Variants in DCC observed in about 807,000 individuals in gnomAD.
The protein encoded by DCC is netrin receptor DCC.
In DCC, 58 loss-of-function variants were observed where a neutral mutation model predicts 172.5. The observed-to-expected ratio is 0.34, with a 90% CI of 0.27 to 0.42. The LOEUF is 0.42. Among genes scored for constraint, DCC ranks in the 10% least tolerant of loss-of-function variants. DCC has a pLI of 1.00. For missense variants in DCC, 1,740 were observed against 1,791.0 expected, an observed-to-expected ratio of 0.97 and a Z score of 0.51; for synonymous variants, 709 against 644.5, an observed-to-expected ratio of 1.10 and a Z score of -1.52.
intron 25 of DCC, among the ~76,000 whole-genome samples, chr18:53,479,403 A>G (rs968344624): frequency 3.3e-5 from 5 of 152,206 alleles, no homozygotes; most frequent in East Asian, 1.9e-4. Context: ...GCTCTGTATA[A>G]AAATGGAATT....
chr18:53,291,349 A>C (rs1568415308), intron 12 of DCC, among the ~76,000 whole-genome samples: 1 of 152,104 alleles, frequency 6.6e-6, no homozygotes, highest in Admixed American at 6.5e-5. Flanking sequence ...CTCAGTGGTT[A>C]TTCTTGATAA....
chr18:53,363,288 T>G (rs2057968049), intron 15 of DCC, among the ~76,000 whole-genome samples: 1 of 152,208 alleles, frequency 6.6e-6, no homozygotes, highest in Non-Finnish European at 1.5e-5. Context: ...TTTTCTCCTG[T>G]CTGTCATTTC....
At chr18:52,667,814 G>A (rs1487328965) in intron 1 of DCC, among the ~76,000 whole-genome samples, 1 of 152,166 alleles carries the variant, frequency 6.6e-6, no homozygotes, top group Non-Finnish European at 1.5e-5. Flanking sequence ...AAGGAGGTTA[G>A]AAGACAAAGG....
At chr18:53,370,698 C>T (rs58785519) in intron 15 of DCC, among the ~76,000 whole-genome samples, 6,903 of 151,832 alleles carry the variant, frequency 0.045, 498 homozygotes, top group African/African-American at 0.15. Context: ...TGATTTATAA[C>T]TTCATCCCAT....
At chr18:52,775,280 C>T (rs2037409417) in intron 2 of DCC, among the ~76,000 whole-genome samples, 1 of 152,128 alleles carries the variant, frequency 6.6e-6, no homozygotes, top group African/African-American at 2.4e-5. Context: ...AACCCCATGG[C>T]AGTGTCTAGG....
chr18:53,123,707 C>T (rs1268294756), intron 7 of DCC, among the ~76,000 whole-genome samples: 1 of 151,990 alleles, frequency 6.6e-6, no homozygotes, highest in Non-Finnish European at 1.5e-5. Flanking sequence ...TTCATTCTTT[C>T]TATTACTTTC....
At chr18:53,108,053 A>G (rs1351570751) in intron 7 of DCC, among the ~76,000 whole-genome samples, 4 of 151,678 alleles carry the variant, frequency 2.6e-5, no homozygotes, top group Non-Finnish European at 5.9e-5. Flanking sequence ...AACTCAACGT[A>G]TTTTTCAGAA....
intron 1 of DCC, among the ~76,000 whole-genome samples, chr18:52,707,985 C>T (rs889075304): frequency 3.3e-5 from 5 of 152,062 alleles, no homozygotes; most frequent in Admixed American, 2.6e-4. Context: ...TTGAAAATAG[C>T]TAAGAGGGTA....
intron 5 of DCC, among the ~76,000 whole-genome samples, chr18:53,023,401 C>A (rs891425560): frequency 0.51 from 12,186 of 23,982 alleles, 2,261 homozygotes; most frequent in Admixed American, 0.59. Context: ...TAACTCAGAC[C>A]AAAAAAAAAA....
At chr18:53,264,476 CAAAAAAA>C (rs935972832) in intron 12 of DCC, among the ~76,000 whole-genome samples, 1 of 46,286 alleles carries the variant, frequency 2.2e-5, no homozygotes, top group African/African-American at 6.7e-5. Context: ...AACTCCGTCT[CAAAAAAA>C]AAAAAAAAAA....
chr18:52,544,378 G>T (rs1320926461), intron 1 of DCC, among the ~76,000 whole-genome samples: 4 of 151,916 alleles, frequency 2.6e-5, no homozygotes, highest in African/African-American at 9.7e-5. Flanking sequence ...TGGTCATTTG[G>T]TCTATTTTTA....
At chr18:53,040,488 G>A (rs1228270237) in intron 5 of DCC, among the ~76,000 whole-genome samples, 1 of 152,052 alleles carries the variant, frequency 6.6e-6, no homozygotes, top group African/African-American at 2.4e-5. Flanking sequence ...CAGAAGCTCT[G>A]GGTGTGAATC....
chr18:52,964,428 G>C (rs1386656728), intron 5 of DCC, among the ~76,000 whole-genome samples: 1 of 152,058 alleles, frequency 6.6e-6, no homozygotes, highest in South Asian at 2.1e-4. Flanking sequence ...CATCCATGAG[G>C]GAGCCTGAGA....
At chr18:52,669,425 C>G (rs905647898) in intron 1 of DCC, among the ~76,000 whole-genome samples, 14 of 152,270 alleles carry the variant, frequency 9.2e-5, no homozygotes, top group Admixed American at 9.1e-4. Context: ...TGGGAAAGGA[C>G]TGTTATCATC....
chr18:53,090,690 T>C (rs2042990092), intron 7 of DCC, among the ~76,000 whole-genome samples: 2 of 21,896 alleles, frequency 9.1e-5, no homozygotes, highest in African/African-American at 1.3e-4. Flanking sequence ...CGAAACTCCG[T>C]CCCCCAACAA....
intron 1 of DCC, among the ~76,000 whole-genome samples, chr18:52,524,005 T>G (rs1395929752): frequency 6.6e-6 from 1 of 152,212 alleles, no homozygotes; most frequent in East Asian, 1.9e-4. Context: ...TCCGTAAGAT[T>G]GTCTGATGTT....
In DCC at chr18:52,966,551, A is replaced by G. The variant is rs372854383; in HGVS notation, c.985+41181A>G. On this transcript the variant is annotated intron_variant, in intron 5 of 28. Coordinates refer to ENST00000442544, the MANE Select transcript of DCC (RefSeq NM_005215.4). ...CAGCTGGCTTCCAGTGGATTGCCCAATCGGAGGCACCAACAGGAGAAAATA... is the reference window on the plus strand; with the variant it reads ...CAGCTGGCTTCCAGTGGATTGCCCAGTCGGAGGCACCAACAGGAGAAAATA... 1.1e-4 allele frequency among the ~76,000 whole-genome samples: 16 copies of G among 152,244 alleles called. No homozygotes were observed. In the East Asian group the frequency reaches 1.7e-3, roughly 17 times the overall value.
At chr18:53,319,815 A>G (rs1197925338) in intron 13 of DCC, among the ~76,000 whole-genome samples, 1 of 152,182 alleles carries the variant, frequency 6.6e-6, no homozygotes, top group East Asian at 1.9e-4. Flanking sequence ...AATCTGGGCC[A>G]TCCAAATAGA....
intron 11 of DCC, among the ~76,000 whole-genome samples, chr18:53,212,347 C>G (rs540269706): frequency 6.6e-6 from 1 of 152,098 alleles, no homozygotes; most frequent in Admixed American, 6.5e-5. Context: ...AAACAAGAAG[C>G]GTCTTGGGAA....
Sources: gnomAD v4.1 joint callset for allele counts (sites outside exome capture counted in the v4.1 genomes callset) on GRCh38, gnomAD v4.1.1 for gene constraint, MANE v1.5 for transcripts, NCBI Gene and HGNC (gene_info 2026-07-23, HGNC 2026-07-21) for gene names.